CCNH: variants seen among roughly 807,000 people sequenced by gnomAD.
CCNH encodes the protein cyclin-H.
In CCNH, 31 loss-of-function variants were observed where a neutral mutation model predicts 41.9. That is an observed-to-expected ratio of 0.74 (90% CI 0.56 to 1.00). The LOEUF (loss-of-function observed/expected upper bound fraction) is 1.00. Among genes scored for constraint, CCNH ranks in the 50% least tolerant of loss-of-function variants. The pLI is 0.00. For missense variants in CCNH, 362 were observed against 388.4 expected, an observed-to-expected ratio of 0.93 and a Z score of 0.57; for synonymous variants, 138 against 136.1, an observed-to-expected ratio of 1.01 and a Z score of -0.10.
chr5:87,392,589 A>T (rs1303925930), downstream of CCNH: 4 of 286,230 alleles, frequency 1.4e-5, no homozygotes, highest in East Asian at 3.8e-4. Context: ...ATTAGTCAAG[A>T]TATTTTTGCT....
At chr5:87,382,190 G>A (rs1761764352) in intron 9 of CCNH, among the ~76,000 whole-genome samples, 1 of 152,116 alleles carries the variant, frequency 6.6e-6, no homozygotes, top group South Asian at 2.1e-4. Context: ...GGCCTCAGGT[G>A]GTACACCCAC....
At chr5:87,331,982 G>C (rs1056903426) in intron 9 of CCNH, among the ~76,000 whole-genome samples, 2 of 151,752 alleles carry the variant, frequency 1.3e-5, no homozygotes, top group Non-Finnish European at 2.9e-5. Flanking sequence ...ATATTGTATT[G>C]TTTCATTTTT....
At chr5:87,376,389 C>T in exon 1 of CCNH, 1 of 1,613,710 alleles carries the variant, frequency 6.2e-7, no homozygotes. Context: ...TTTTTCTTCC[C>T]AAGTATTTAT....
downstream of CCNH, chr5:87,389,553 CAA>C (rs1172025198): frequency 4.3e-6 from 7 of 1,611,100 alleles, no homozygotes; most frequent in Non-Finnish European, 5.9e-6. Context: ...CCTTCATTAA[CAA>C]TGATGTTTCA....
At chr5:87,333,246 T>C in intron 9 of CCNH, 2 of 1,581,552 alleles carry the variant, frequency 1.3e-6, no homozygotes, top group South Asian at 1.1e-5. Context: ...TTTTAAATCT[T>C]TTTTTTTTTA....
chr5:87,397,287 G>A (rs1039160634), intron 7 of CCNH, among the ~76,000 whole-genome samples: 1 of 151,810 alleles, frequency 6.6e-6, no homozygotes, highest in Non-Finnish European at 1.5e-5. Context: ...AGTCTTACAA[G>A]TAGCTGGGAT....
At chr5:87,372,112 T>C, downstream of CCNH, 1 of 1,612,980 alleles carries the variant, frequency 6.2e-7, no homozygotes, top group African/African-American at 1.3e-5. Flanking sequence ...CTGTTTTTCT[T>C]TGCAGGATTG....
chr5:87,349,428 A>T, intron 9 of CCNH: 1 of 1,539,308 alleles, frequency 6.5e-7, no homozygotes, highest in Non-Finnish European at 8.9e-7. Context: ...TTGATAATAC[A>T]GTATTCAGAG....
chr5:87,334,817 A>G (rs946215708), intron 9 of CCNH, among the ~76,000 whole-genome samples: 2 of 152,188 alleles, frequency 1.3e-5, no homozygotes, highest in Non-Finnish European at 2.9e-5. Flanking sequence ...TATGTATAAA[A>G]CACTTCTGCT....
intron 9 of CCNH, among the ~76,000 whole-genome samples, chr5:87,336,306 A>G (rs1757967392): frequency 6.6e-6 from 1 of 152,162 alleles, no homozygotes; most frequent in African/African-American, 2.4e-5. Flanking sequence ...GTAGATATCC[A>G]TATAAATAAA....
chr5:87,390,683 G>A, downstream of CCNH: 1 of 795,412 alleles, frequency 1.3e-6, no homozygotes, highest in East Asian at 2.6e-5. Flanking sequence ...GAGGGGAATT[G>A]TGGTAATATT....
chr5:87,332,316 T>C lies in CCNH; in HGVS notation c.*91-13419A>G, dbSNP rs141147099. ...ATGTATTTCACATCAAATGCATGTA[T>C]ATATATGTAAGAGAAATAGCCCCAA... On this transcript the variant is annotated intron_variant and NMD_transcript_variant, in intron 9 of 9. Transcript: ENST00000645953. Among the ~76,000 whole-genome samples, 619 of 152,210 alleles carry C rather than the reference T, an allele frequency of 4.1e-3. 6 individuals are homozygous for C. Among genetic ancestry groups the C allele is most frequent in the African/African-American group, 0.014 (596 of 41,564 alleles).
At chr5:87,387,638 G>T (rs550958172), downstream of CCNH, among the ~76,000 whole-genome samples, 2 of 152,086 alleles carry the variant, frequency 1.3e-5, no homozygotes, top group African/African-American at 2.4e-5. Flanking sequence ...AGATTGAGGT[G>T]TCCATGTTCT....
At chr5:87,332,669 C>G (rs1323544282) in intron 9 of CCNH, 1 of 1,587,680 alleles carries the variant, frequency 6.3e-7, no homozygotes, top group African/African-American at 1.3e-5. Flanking sequence ...AAATATCTTT[C>G]AAAACTTTAT....
At chr5:87,392,188 AG>A (rs1762575347), downstream of CCNH, 5 of 447,884 alleles carry the variant, frequency 1.1e-5, no homozygotes, top group Non-Finnish European at 1.8e-5. Flanking sequence ...CAGGAACCCA[AG>A]GAGGTGTTCC....
At chr5:87,342,743 C>G (rs1372027346) in intron 9 of CCNH, among the ~76,000 whole-genome samples, 1 of 152,082 alleles carries the variant, frequency 6.6e-6, no homozygotes, top group Admixed American at 6.6e-5. Context: ...AAGGTAATCA[C>G]TTTGTCTAGT....
At chr5:87,378,523 C>T, upstream of CCNH, 1 of 1,610,262 alleles carries the variant, frequency 6.2e-7, no homozygotes, top group Non-Finnish European at 8.5e-7. Context: ...TAATGGAAAG[C>T]AAGCAGTCTT....
downstream of CCNH, chr5:87,392,216 C>G: frequency 2.2e-6 from 1 of 455,374 alleles, no homozygotes; most frequent in East Asian, 6.8e-5. Context: ...AAGGAAAGCC[C>G]TAGATTCCAA....
At chr5:87,407,214 T>A (rs3093794) in intron 4 of CCNH, among the ~76,000 whole-genome samples, 19 of 152,220 alleles carry the variant, frequency 1.2e-4, no homozygotes, top group East Asian at 9.6e-4. Flanking sequence ...CCTTAATCTG[T>A]TATCTCCCTC....
Sources: allele counts gnomAD v4.1 joint callset (sites outside exome capture counted in the v4.1 genomes callset), GRCh38; gene constraint gnomAD v4.1.1; transcripts MANE v1.5; gene names NCBI Gene and HGNC (gene_info 2026-07-23, HGNC 2026-07-21).